SS18L1: variants seen among roughly 807,000 people sequenced by gnomAD.
SS18L1 encodes SS18L1 subunit of BAF chromatin remodeling complex.
A neutral mutation model predicts 70.3 loss-of-function variants in SS18L1; 32 were observed. The ratio of observed to expected loss-of-function variants is 0.46; its 90% CI spans 0.34 to 0.61. The LOEUF (loss-of-function observed/expected upper bound fraction) is 0.61, where lower values mean the gene tolerates loss of function less well. Among genes scored for constraint, SS18L1 ranks in the 20% least tolerant of loss-of-function variants. The pLI is 0.01. For synonymous variants in SS18L1, 237 were observed against 229.7 expected (o/e 1.03, Z -0.29); for missense variants, 430 against 542.1 (o/e 0.79, Z 2.05).
Position 62,163,451 on chromosome 20 carries a change from C to T in SS18L1, c.557-7C>T, listed in dbSNP as rs768194607. 2.5e-5 allele frequency: 40 copies of T among 1,611,910 alleles called. No homozygotes were observed. The Middle Eastern group carries it at 1.4e-3, about 56-fold the overall frequency. On this transcript the variant is annotated splice_polypyrimidine_tract_variant and splice_region_variant and intron_variant, in intron 5 of 10. Coordinates refer to ENST00000331758, the MANE Select transcript of SS18L1 (RefSeq NM_198935.3). ...GGGTGATGTGGGGCCTCTGTCCTGT[C>T]GTTCAGTCTCCATGATGCAGCAGCA...
chr20:62,179,730 G>GCCCCCCCC lies in SS18L1; in HGVS notation c.*523_*524insCCCCCCCC. ...GTGCCTCGATGGGGTGGGTGGGAGG[G>GCCCCCCCC]CATCTTCTGTGCGTTGGGTCAGTTT... is the stretch of plus-strand genomic sequence containing the variant. On this transcript the variant is annotated 3_prime_UTR_variant, in exon 11 of 11. Transcript: ENST00000331758. 1.0e-5 allele frequency: 1 copy of GCCCCCCCC among 96,716 alleles called. No homozygotes were observed. Among genetic ancestry groups the GCCCCCCCC allele is most frequent in the East Asian group, 2.9e-4 (1 of 3,394 alleles). 6.0% of individuals were successfully genotyped at this position (96,716 alleles called of 1,614,324 possible). A position where few individuals can be genotyped will look rare whatever the true frequency, so the allele number is the denominator to read the frequency against.
rs188711754 is a variant in SS18L1, at chr20:62,175,469, C to T, written c.1164+825C>T. 1.3e-5 allele frequency: 13 copies of T among 984,284 alleles called. 1 individual carries two copies. The highest frequency in any genetic ancestry group is 5.2e-4 in the Middle Eastern group (1 of 1,912). The allele number at this position is 984,284 out of a possible 1,614,324, so 61.0% of individuals were successfully genotyped here. The stretch of plus-strand genomic sequence containing the variant: ...GCAAGGGAAGAGGGCGTGCCAAGGT[C>T]CTGAGGCACCAGGAGGTTTGTCCCA... On this transcript the variant is annotated intron_variant, in intron 10 of 10. Transcript: ENST00000331758.
At chr20:62,146,958 A>C (rs2057042162) in intron 1 of SS18L1, among the ~76,000 whole-genome samples, 1 of 151,908 alleles carries the variant, frequency 6.6e-6, no homozygotes, top group South Asian at 2.1e-4. Context: ...GACTCTAGTC[A>C]CTGGTTTTAG....
chr20:62,181,173 A>G lies in SS18L1; in HGVS notation c.*1965A>G, dbSNP rs1407624759. The G allele has an allele frequency of 5.1e-6, 1 of 196,032 alleles. No homozygotes were observed. Among genetic ancestry groups the G allele is most frequent in the Non-Finnish European group, 1.1e-5 (1 of 94,418 alleles). The allele number at this position is 196,032 out of a possible 1,614,324, so 12.1% of individuals were successfully genotyped here. ...CGCACAAATGGGGAGAGAAGTGTTTATTTTGTAGGCACTAAGGGTTTCTAA... is the reference window on the plus strand; with the variant it reads ...CGCACAAATGGGGAGAGAAGTGTTTGTTTTGTAGGCACTAAGGGTTTCTAA... On this transcript the variant is annotated 3_prime_UTR_variant, in exon 11 of 11. Coordinates refer to ENST00000331758, the MANE Select transcript of SS18L1 (RefSeq NM_198935.3).
At chr20:62,151,262 G>A (rs1366535037) in intron 1 of SS18L1, among the ~76,000 whole-genome samples, 3 of 152,178 alleles carry the variant, frequency 2.0e-5, no homozygotes, top group East Asian at 1.9e-4. Flanking sequence ...AGGACCCCAC[G>A]GTGGGGCTTC....
chr20:62,175,140 C>T (rs2057599256), intron 10 of SS18L1: 2 of 821,914 alleles, frequency 2.4e-6, no homozygotes, highest in African/African-American at 3.7e-5. Context: ...GACGAAGACA[C>T]AGCGGGGAGT....
At chr20:62,153,971 C>T (rs1310073853) in intron 1 of SS18L1, among the ~76,000 whole-genome samples, 1 of 152,228 alleles carries the variant, frequency 6.6e-6, no homozygotes, top group Non-Finnish European at 1.5e-5. Context: ...GTCCCCTCCC[C>T]TCTTCTGTCC....
chr20:62,175,571 A>G (rs755088728), intron 10 of SS18L1: 48 of 516,560 alleles, frequency 9.3e-5, no homozygotes, highest in Non-Finnish European at 1.2e-4. Context: ...CATTTTTTGG[A>G]GCCTCCTTTG....
In SS18L1 at chr20:62,167,038, G is replaced by GTT. The variant is rs201677571; in HGVS notation, c.916+1526_916+1527dup. On this transcript the variant is annotated intron_variant, in intron 8 of 10. Transcript: ENST00000331758. Reference sequence around the variant, plus strand: ...GAGGATTGCTTGAGCTCAGGAGTTTGTTTGTTTTTTTTTTTTTTTTTTTTT... The same window carrying GTT: ...GAGGATTGCTTGAGCTCAGGAGTTTGTTTTTGTTTTTTTTTTTTTTTTTTTTT... Among the ~76,000 whole-genome samples the GTT allele has an allele frequency of 9.3e-4, 103 of 110,902 alleles. 1 individual carries two copies. Among genetic ancestry groups the GTT allele is most frequent in the African/African-American group, 4.5e-3 (97 of 21,518 alleles). 72.8% of individuals were successfully genotyped at this position (110,902 alleles called of 152,430 possible).
At chr20:62,171,363 C>T (rs920399568) in intron 8 of SS18L1, among the ~76,000 whole-genome samples, 5 of 152,208 alleles carry the variant, frequency 3.3e-5, no homozygotes, top group African/African-American at 4.8e-5. Flanking sequence ...AAGTCTTCTC[C>T]CGTGACGGTG....
At chr20:62,169,169 C>T (rs895746558) in intron 8 of SS18L1, among the ~76,000 whole-genome samples, 5 of 152,204 alleles carry the variant, frequency 3.3e-5, no homozygotes, top group African/African-American at 9.7e-5. Context: ...GGCATCTGGG[C>T]GCCATTGCTG....
rs1411095006 is a variant in SS18L1 at position 62,156,146 on chromosome 20, GC to G, written c.70-2520del. ...CTGCCTAATGAAGTCAGTGGCTTGC[GC>G]CCCCCGGCCCATCCCGGCCCCGTGC... On this transcript the variant is annotated intron_variant, in intron 1 of 10. Coordinates refer to ENST00000331758, the MANE Select transcript of SS18L1 (RefSeq NM_198935.3). Among the ~76,000 whole-genome samples the G allele has an allele frequency of 1.4e-4, 21 of 152,210 alleles. 1 individual carries two copies. In the East Asian group the frequency reaches 2.5e-3, roughly 18 times the overall value.
chr20:62,146,065 G>A (rs2023266), intron 1 of SS18L1, among the ~76,000 whole-genome samples: 99,477 of 149,166 alleles, frequency 0.67, 36,109 homozygotes, highest in Non-Finnish European at 0.81. Flanking sequence ...TGAAGGAGAA[G>A]GAGGTCTACA....
Position 62,163,530 on chromosome 20 carries a change from G to A in SS18L1, c.629G>A (p.Gly210Asp). 1 of 1,611,798 alleles carries A rather than the reference G, an allele frequency of 6.2e-7. No individual in the cohort carries two copies. The highest frequency in any genetic ancestry group is 2.2e-5 in the East Asian group (1 of 44,866). ...SAQGGSQHYQ[G>D]QSSIAMMGQG... ...CAGGGCGGCAGCCAGCACTACCAGG[G>A]CCAGTCGTCCATCGCCATGATGGGG... Residue 210 changes from glycine (G) to aspartate (D), a missense_variant, in exon 6 of 11, where the codon GGC becomes GAC. Coordinates refer to ENST00000331758, the MANE Select transcript of SS18L1 (RefSeq NM_198935.3).
chr20:62,146,178 C>G (rs1017142583), intron 1 of SS18L1, among the ~76,000 whole-genome samples: 1 of 152,146 alleles, frequency 6.6e-6, no homozygotes, highest in South Asian at 2.1e-4. Flanking sequence ...CCAACTTCTA[C>G]TCAACCTTCA....
chr20:62,178,972 CTGA>C (rs1490291561), intron 10 of SS18L1, among the ~76,000 whole-genome samples: 1 of 152,232 alleles, frequency 6.6e-6, no homozygotes, highest in Non-Finnish European at 1.5e-5. Flanking sequence ...CAGTGTGTGA[CTGA>C]ACAAATGAAC....
At position 62,161,493 on chromosome 20, in the gene SS18L1, C is replaced by T. The variant is rs2057328936; in HGVS notation, c.289C>T (p.Gln97Ter). Reference protein sequence around the residue: ...PGALTQSGSSQGLHSQGSLSD... With the variant: ...PGALTQSGSS The stretch of plus-strand genomic sequence containing the variant: ...AGCCCTGACTCAGAGCGGCTCCAGC[C>T]AGGGCCTGCACTCTCAGGGCAGCCT... Residue 97 changes from glutamine to a stop codon, truncating the protein, a stop_gained, in exon 4 of 11, where the codon CAG becomes TAG. Transcript: ENST00000331758. LOFTEE classifies it high-confidence loss of function. This position sits in a 1 kb window ranked among gnomAD's most constrained non-coding sequence, Gnocchi z 4.4. 1 of 1,612,906 alleles carries T rather than the reference C, an allele frequency of 6.2e-7. No homozygotes were observed. Among genetic ancestry groups the T allele is most frequent in the Non-Finnish European group, 8.5e-7 (1 of 1,180,000 alleles).
chr20:62,169,482 A>G (rs2057491953), intron 8 of SS18L1, among the ~76,000 whole-genome samples: 1 of 152,178 alleles, frequency 6.6e-6, no homozygotes, highest in Non-Finnish European at 1.5e-5. Context: ...CAGAAGTTAA[A>G]TTAAACATCA....
intron 1 of SS18L1, among the ~76,000 whole-genome samples, chr20:62,148,208 A>G (rs969648516): frequency 6.6e-6 from 1 of 152,254 alleles, no homozygotes. Context: ...GGGACCCCGC[A>G]GCCACCGGCC....
Sources: allele counts gnomAD v4.1 joint callset (sites outside exome capture counted in the v4.1 genomes callset), GRCh38; gene constraint gnomAD v4.1.1; non-coding constraint Gnocchi (gnomAD v3.1); transcripts MANE v1.5; gene names NCBI Gene and HGNC (gene_info 2026-07-23, HGNC 2026-07-21).